KIAA1217: variants seen among roughly 807,000 people sequenced by gnomAD.
The protein encoded by KIAA1217 is sickle tail protein homolog.
KIAA1217 carries 88 observed loss-of-function variants against 163.9 expected under a neutral mutation model. The ratio of observed to expected loss-of-function variants is 0.54; its 90% CI spans 0.45 to 0.64. KIAA1217 has a LOEUF of 0.64. KIAA1217 is among the 30% of genes least tolerant of loss of function. KIAA1217 has a pLI of 0.00. For missense variants in KIAA1217, 2,372 were observed against 2,475.0 expected (o/e 0.96, Z 0.88); for synonymous variants, 903 against 923.1 (o/e 0.98, Z 0.39).
chr10:24,142,066 T>G (rs1484877705), intron 2 of KIAA1217, among the ~76,000 whole-genome samples: 1 of 132,272 alleles, frequency 7.6e-6, no homozygotes, highest in African/African-American at 2.7e-5. Flanking sequence ...TTAATGAGAT[T>G]TTTTTGTTTT....
At chr10:24,156,925 A>G (rs1031218012) in intron 2 of KIAA1217, among the ~76,000 whole-genome samples, 3 of 152,140 alleles carry the variant, frequency 2.0e-5, no homozygotes, top group African/African-American at 7.2e-5. Flanking sequence ...GAGTAAAACA[A>G]CTTCCTTCAC....
At chr10:24,027,460 C>A (rs1407044152) in intron 2 of KIAA1217, among the ~76,000 whole-genome samples, 1 of 151,998 alleles carries the variant, frequency 6.6e-6, no homozygotes, top group Non-Finnish European at 1.5e-5. Context: ...AGAAACAAGT[C>A]AAAAACTATT....
chr10:24,118,111 A>G (rs1038378951), intron 2 of KIAA1217, among the ~76,000 whole-genome samples: 7 of 151,846 alleles, frequency 4.6e-5, no homozygotes, highest in African/African-American at 1.7e-4. Flanking sequence ...TTACCTCTAT[A>G]ACAAACCTGC....
chr10:23,805,736 A>G (rs895278805), intron 1 of KIAA1217, among the ~76,000 whole-genome samples: 1 of 152,120 alleles, frequency 6.6e-6, no homozygotes, highest in Non-Finnish European at 1.5e-5. Flanking sequence ...AAATAGGGCC[A>G]GGTGCGGTGG....
intron 2 of KIAA1217, among the ~76,000 whole-genome samples, chr10:24,130,788 C>T (rs557319820): frequency 1.6e-4 from 24 of 152,200 alleles, no homozygotes; most frequent in African/African-American, 4.1e-4. Context: ...CCATATAATT[C>T]GTCACCATCA....
intron 8 of KIAA1217, among the ~76,000 whole-genome samples, chr10:24,496,500 GCT>G (rs1183551244): frequency 6.6e-6 from 1 of 152,184 alleles, no homozygotes; most frequent in East Asian, 1.9e-4. Flanking sequence ...TGAAAGCACT[GCT>G]CTAAGCAATA....
intron 1 of KIAA1217, among the ~76,000 whole-genome samples, chr10:23,869,322 A>G (rs1840351033): frequency 6.6e-6 from 1 of 151,802 alleles, no homozygotes; most frequent in African/African-American, 2.4e-5. Flanking sequence ...CACTTGAATA[A>G]CATATTAGGT....
chr10:23,859,710 A>G (rs942661892), intron 1 of KIAA1217, among the ~76,000 whole-genome samples: 12 of 152,232 alleles, frequency 7.9e-5, no homozygotes, highest in Non-Finnish European at 1.2e-4. Flanking sequence ...ATCAATGTGT[A>G]CTTTAGAAAA....
intron 1 of KIAA1217, among the ~76,000 whole-genome samples, chr10:23,855,815 G>C (rs1839627539): frequency 6.6e-6 from 1 of 152,084 alleles, no homozygotes; most frequent in African/African-American, 2.4e-5. Flanking sequence ...GGCTCCTGAG[G>C]CTTCTGCATT....
intron 1 of KIAA1217, among the ~76,000 whole-genome samples, chr10:23,934,593 A>ATATG (rs1843426696): frequency 1.5e-5 from 1 of 64,936 alleles, no homozygotes; most frequent in Admixed American, 1.5e-4. Context: ...ATATATATGT[A>ATATG]TATATATATA....
chr10:24,166,009 C>T (rs1037124512), intron 2 of KIAA1217, among the ~76,000 whole-genome samples: 20 of 152,232 alleles, frequency 1.3e-4, no homozygotes, highest in Admixed American at 5.9e-4. Context: ...ATGCTCCATC[C>T]TCCTCCCCAC....
chr10:24,140,510 A>C (rs1256975820), intron 2 of KIAA1217, among the ~76,000 whole-genome samples: 1 of 152,214 alleles, frequency 6.6e-6, no homozygotes, highest in Non-Finnish European at 1.5e-5. Flanking sequence ...TCGATCTGAT[A>C]ACCCAGACAG....
At chr10:24,188,573 A>G (rs537541935) in intron 2 of KIAA1217, among the ~76,000 whole-genome samples, 20 of 152,370 alleles carry the variant, frequency 1.3e-4, no homozygotes, top group African/African-American at 4.6e-4. Context: ...GCAGTATTCA[A>G]TAGGCTGCTG....
At position 24,133,524 on chromosome 10, in the gene KIAA1217, A is replaced by T. The variant is rs13376840; in HGVS notation, c.-170-86102A>T. Among the ~76,000 whole-genome samples the T allele has an allele frequency of 3.1e-3, 474 of 151,532 alleles. 1 individual carries two copies. Among genetic ancestry groups the T allele is most frequent in the African/African-American group, 0.011 (447 of 41,182 alleles). On this transcript the variant is annotated intron_variant, in intron 2 of 18. Coordinates refer to the KIAA1217 transcript ENST00000376462. ...GAGGCAGAGGTTGCAGTGAGCCAAG[A>T]CTGCACTATTACACTCCAGCCTGGG... is the stretch of plus-strand genomic sequence containing the variant.
intron 3 of KIAA1217, among the ~76,000 whole-genome samples, chr10:24,383,711 T>C (rs961062123): frequency 6.6e-6 from 1 of 152,184 alleles, no homozygotes; most frequent in Non-Finnish European, 1.5e-5. Context: ...ATGAGAAGTT[T>C]CTTGCCAAAG....
intron 5 of KIAA1217, among the ~76,000 whole-genome samples, chr10:24,452,714 C>A (rs1474278197): frequency 4.7e-5 from 7 of 150,230 alleles, no homozygotes; most frequent in African/African-American, 1.5e-4. Context: ...ATGAATGAGA[C>A]CTAGTATTTG....
chr10:24,386,804 C>T (rs1591510969), intron 3 of KIAA1217, among the ~76,000 whole-genome samples: 1 of 152,188 alleles, frequency 6.6e-6, no homozygotes, highest in Middle Eastern at 3.4e-3. Context: ...GTCTCAAACA[C>T]CTGGCCTCAA....
intron 1 of KIAA1217, among the ~76,000 whole-genome samples, chr10:23,729,130 C>T (rs957536459): frequency 1.3e-5 from 2 of 152,268 alleles, no homozygotes; most frequent in African/African-American, 4.8e-5. Context: ...CTTCATAGCT[C>T]ATTTCTTTTT....
chr10:24,546,072 C>T lies in KIAA1217; in HGVS notation c.5580C>T (p.Gly1860=). 1 of 1,614,216 alleles carries T rather than the reference C, an allele frequency of 6.2e-7. No individual in the cohort carries two copies. The highest frequency in any genetic ancestry group is 8.5e-7 in the Non-Finnish European group (1 of 1,180,042). ...SASLIPSVSN[G]SLKFQSLTHT... ...CCCTCATCCCTTCTGTCTCTAATGG[C>T]TCTTTGAAGTTTCAGAGCCTCACTC... Residue 1860 remains glycine, a synonymous_variant, in exon 21 of 21, where the codon GGC becomes GGT. Coordinates refer to ENST00000376454, the MANE Select transcript of KIAA1217 (RefSeq NM_019590.5).
Sources: allele counts gnomAD v4.1 joint callset (sites outside exome capture counted in the v4.1 genomes callset), GRCh38; gene constraint gnomAD v4.1.1; transcripts MANE v1.5; gene names NCBI Gene and HGNC (gene_info 2026-07-23, HGNC 2026-07-21).